NCAPH: variants seen among roughly 807,000 people sequenced by gnomAD.
NCAPH encodes the protein condensin complex subunit 2.
NCAPH carries 38 observed loss-of-function variants against 85.5 expected under a neutral mutation model. That is an observed-to-expected ratio of 0.44 (90% CI 0.34 to 0.58). The LOEUF (loss-of-function observed/expected upper bound fraction) is 0.58, where lower values mean the gene tolerates loss of function less well. Ranked by LOEUF, NCAPH falls within the 20% of genes least tolerant of loss-of-function variation. The pLI, the probability that NCAPH is intolerant of heterozygous loss-of-function variation, is 0.01. For synonymous variants in NCAPH, 301 were observed against 335.1 expected (o/e 0.90, Z 1.11); for missense variants, 789 against 916.6 (o/e 0.86, Z 1.80).
At chr2:96,347,725 A>G (rs1322140045) in intron 6 of NCAPH, among the ~76,000 whole-genome samples, 1 of 152,202 alleles carries the variant, frequency 6.6e-6, no homozygotes, top group East Asian at 1.9e-4. Flanking sequence ...TGTAATTAAT[A>G]AATAAGCCAG....
chr2:96,342,008 A>G (rs922881046), intron 2 of NCAPH, 42 bp from the exon 3 acceptor site: 2 of 1,603,308 alleles, frequency 1.2e-6, no homozygotes, highest in Non-Finnish European at 8.5e-7. Context: ...TTAAACTATC[A>G]TGGATTCTTG....
chr2:96,366,108 A>G, intron 14 of NCAPH, 50 bp downstream of exon 14: 1 of 1,580,382 alleles, frequency 6.3e-7, no homozygotes, highest in Non-Finnish European at 8.7e-7. Flanking sequence ...AATCTATTTA[A>G]TTGTCTCTTA....
rs373937064 is a variant in NCAPH at position 96,351,920 on chromosome 2, C to T, written c.810C>T (p.Tyr270=). Reference sequence around the variant, plus strand: ...TGTCCACTCTCCACTGCCAGGACTACAGAAGTGAACTGCTGTTTCCCTCTG... The same window carrying T: ...TGTCCACTCTCCACTGCCAGGACTATAGAAGTGAACTGCTGTTTCCCTCTG... The part of the protein sequence containing the change: ...VFLSTLHCQD[Y]RSELLFPSDV... Residue 270 remains tyrosine (Y), a synonymous_variant, in exon 7 of 18, where the codon TAC becomes TAT. Transcript: ENST00000240423. The T allele has an allele frequency of 5.6e-6, 9 of 1,614,024 alleles. No homozygotes were observed. Among genetic ancestry groups the T allele is most frequent in the Non-Finnish European group, 7.6e-6 (9 of 1,179,988 alleles).
At chr2:96,348,059 G>T (rs771995019) in intron 6 of NCAPH, among the ~76,000 whole-genome samples, 3 of 152,124 alleles carry the variant, frequency 2.0e-5, no homozygotes. Context: ...CGTAGGCCGG[G>T]TGCGGTGCTT....
intron 6 of NCAPH, among the ~76,000 whole-genome samples, chr2:96,350,067 T>G (rs1573073815): frequency 6.6e-6 from 1 of 152,360 alleles, no homozygotes; most frequent in East Asian, 1.9e-4. Flanking sequence ...TATACGAGTT[T>G]GGCTAGCGCC....
In NCAPH at chr2:96,353,405, C is replaced by A; in HGVS notation, c.1002+8C>A. The A allele has an allele frequency of 1.2e-6, 2 of 1,612,054 alleles. No individual in the cohort carries two copies. Among genetic ancestry groups the A allele is most frequent in the South Asian group, 2.2e-5 (2 of 90,996 alleles). ...AGTGAAACACATAATGAGGTGTGGTCAAGTTTTAGTGGCTCATGGTTTCAG... is the reference window on the plus strand; with the variant it reads ...AGTGAAACACATAATGAGGTGTGGTAAAGTTTTAGTGGCTCATGGTTTCAG... On this transcript the variant is annotated splice_region_variant and intron_variant, in intron 8 of 17. Coordinates refer to ENST00000240423, the MANE Select transcript of NCAPH (RefSeq NM_015341.5).
At chr2:96,342,322 A>G (rs1374113273) in intron 3 of NCAPH, among the ~76,000 whole-genome samples, 182 bp downstream of exon 3, 3 of 152,196 alleles carry the variant, frequency 2.0e-5, no homozygotes, top group Non-Finnish European at 2.9e-5. Flanking sequence ...GCTGCCAGCT[A>G]TCTGCTGTGT....
chr2:96,356,998 A>G (rs1342459774), intron 9 of NCAPH, among the ~76,000 whole-genome samples: 4 of 152,198 alleles, frequency 2.6e-5, no homozygotes, highest in Non-Finnish European at 5.9e-5. Flanking sequence ...TGCAGCAGCA[A>G]CAGCAGCCCA....
intron 12 of NCAPH, among the ~76,000 whole-genome samples, chr2:96,363,161 T>G (rs2064650629): frequency 1.3e-5 from 2 of 152,332 alleles, no homozygotes; most frequent in African/African-American, 4.8e-5. Context: ...TACAACTCAC[T>G]GAAGGCTGAT....
chr2:96,341,679 G>A lies in NCAPH; in HGVS notation c.57G>A (p.Thr19=), dbSNP rs148783662. The part of the protein sequence containing the change: ...PATMNNSSSE[T]RGHPHSASSP... ...CAATGAATAACTCTTCTTCAGAGAC[G>A]CGAGGACACCCCCACAGTGCCTCCT... The change falls in exon 2 of 18, where the codon ACG becomes ACA. Residue 19 remains threonine, a synonymous_variant. Coordinates refer to ENST00000240423, the MANE Select transcript of NCAPH (RefSeq NM_015341.5). 42 of 1,613,974 alleles carry A rather than the reference G, an allele frequency of 2.6e-5. No individual in the cohort carries two copies. The highest frequency in any genetic ancestry group is 2.3e-4 in the African/African-American group (17 of 74,902).
At chr2:96,340,477 G>A (rs2064277326) in intron 1 of NCAPH, among the ~76,000 whole-genome samples, 2 of 136,670 alleles carry the variant, frequency 1.5e-5, no homozygotes, top group South Asian at 4.6e-4. Context: ...TGCAACCTCT[G>A]TCTCCCGGGT....
intron 12 of NCAPH, among the ~76,000 whole-genome samples, chr2:96,361,250 A>C (rs1249881121): frequency 6.6e-6 from 1 of 151,622 alleles, no homozygotes; most frequent in African/African-American, 2.4e-5. Context: ...GGGTTTCACT[A>C]TGTTGGCCAG....
chr2:96,361,037 CTCCTTTT>C (rs2064600149), intron 12 of NCAPH, among the ~76,000 whole-genome samples: 1 of 131,978 alleles, frequency 7.6e-6, no homozygotes, highest in Non-Finnish European at 1.6e-5. Context: ...CCTTTGCTTT[CTCCTTTT>C]TTTTTTTTTT....
rs760283642 is a variant in NCAPH at position 96,361,040 on chromosome 2, CTTTTTTTTTTTTT to C, written c.1587+344_1587+356del. On this transcript the variant is annotated intron_variant, in intron 12 of 17. Transcript: ENST00000240423. Reference sequence around the variant, plus strand: ...TATTTCTTGATTCCTTTGCTTTCTCCTTTTTTTTTTTTTTTTTTTTTTTTTTGACAGAGTTTCG... The same window carrying C: ...TATTTCTTGATTCCTTTGCTTTCTCCTTTTTTTTTTTTTGACAGAGTTTCG... Among the ~76,000 whole-genome samples the C allele has an allele frequency of 1.4e-4, 12 of 86,780 alleles. No individual in the cohort carries two copies. In the South Asian group the frequency reaches 2.0e-3, roughly 14 times the overall value. The allele number at this position is 86,780 out of a possible 152,430, so 56.9% of individuals were successfully genotyped here.
rs749206550 is a variant in NCAPH, at chr2:96,367,290, G to T, written c.1915G>T (p.Ala639Ser). The change falls in exon 15 of 18, where the codon GCC (alanine) becomes TCC (serine). Residue 639 changes from alanine to serine, a missense_variant. Coordinates refer to ENST00000240423, the MANE Select transcript of NCAPH (RefSeq NM_015341.5). The part of the protein sequence containing the change: ...NKIEIHYAKT[A>S]KKMDMKKLKQ... Reference sequence around the variant, plus strand: ...AATTGAAATTCACTATGCCAAGACTGCCAAAAAGATGGACATGAAGAAACT... The same window carrying T: ...AATTGAAATTCACTATGCCAAGACTTCCAAAAAGATGGACATGAAGAAACT... 1.2e-6 allele frequency: 2 copies of T among 1,612,996 alleles called. No individual in the cohort carries two copies. The highest frequency in any genetic ancestry group is 2.2e-5 in the South Asian group (2 of 91,034).
At position 96,361,830 on chromosome 2, in the gene NCAPH, T is replaced by TA. The variant is rs1558800403; in HGVS notation, c.1587+1120_1587+1121insA. On this transcript the variant is annotated intron_variant, in intron 12 of 17. Coordinates refer to ENST00000240423, the MANE Select transcript of NCAPH (RefSeq NM_015341.5). ...TGTATATATATATATATATATATATTTTTTTTTTTTTTTCCCTGAATTGAC... is the reference window on the plus strand; with the variant it reads ...TGTATATATATATATATATATATATTATTTTTTTTTTTTTCCCTGAATTGAC... Among the ~76,000 whole-genome samples, 363 of 77,646 alleles carry TA rather than the reference T, an allele frequency of 4.7e-3. 1 individual carries two copies. The highest frequency in any genetic ancestry group is 0.011 in the African/African-American group (204 of 18,448). 50.9% of individuals were successfully genotyped at this position (77,646 alleles called of 152,430 possible).
intron 6 of NCAPH, among the ~76,000 whole-genome samples, chr2:96,349,139 A>G (rs1176391690): frequency 6.6e-6 from 1 of 152,206 alleles, no homozygotes; most frequent in Non-Finnish European, 1.5e-5. Context: ...ATAAAGAGAA[A>G]AGGAGAGAGC....
chr2:96,366,098 A>G, intron 14 of NCAPH, 40 bp downstream of exon 14: 1 of 1,597,060 alleles, frequency 6.3e-7, no homozygotes, highest in Non-Finnish European at 8.6e-7. Context: ...GTTTGCCTGA[A>G]ATCTATTTAA....
intron 12 of NCAPH, among the ~76,000 whole-genome samples, chr2:96,364,041 G>A (rs1373056598): frequency 6.6e-6 from 1 of 152,106 alleles, no homozygotes; most frequent in Non-Finnish European, 1.5e-5. Context: ...GGCTCAAGCA[G>A]TTCTCCCACC....
Sources: gnomAD v4.1 joint callset for allele counts (sites outside exome capture counted in the v4.1 genomes callset) on GRCh38, gnomAD v4.1.1 for gene constraint, MANE v1.5 for transcripts, NCBI Gene and HGNC (gene_info 2026-07-23, HGNC 2026-07-21) for gene names.